Variants in NOX4 observed in about 807,000 individuals in gnomAD.
NOX4 encodes NADPH oxidase 4.
Under a neutral mutation model 87.6 loss-of-function variants are expected in NOX4, and 69 were observed. The ratio of observed to expected loss-of-function variants is 0.79; its 90% CI spans 0.65 to 0.96. The LOEUF (loss-of-function observed/expected upper bound fraction) is 0.96. Ranked by LOEUF, NOX4 falls within the 40% of genes least tolerant of loss-of-function variation. The pLI is 0.00. For synonymous variants in NOX4, 275 were observed against 238.2 expected, an observed-to-expected ratio of 1.15 and a Z score of -1.42; for missense variants, 680 against 681.5, an observed-to-expected ratio of 1.00 and a Z score of 0.02.
intron 7 of NOX4, 107 bp from the exon 8 acceptor site, chr11:89,422,089 A>G: frequency 1.7e-6 from 1 of 589,244 alleles, no homozygotes. Flanking sequence ...TAAAAAAGCT[A>G]AAACATGAGT....
At chr11:89,515,280 G>C in the NOX4 span, among the ~76,000 whole-genome samples, 1 of 151,822 alleles carries the variant, frequency 6.6e-6, no homozygotes, top group African/African-American at 2.4e-5. Flanking sequence ...TTTTTTTAGC[G>C]TGAGTTTTTT....
upstream of NOX4, among the ~76,000 whole-genome samples, chr11:89,491,767 A>ACACACAC (rs879755481): frequency 1.5e-3 from 175 of 114,614 alleles, 1 homozygote; most frequent in East Asian, 0.011. Context: ...CACACACACA[A>ACACACAC]GAAGACACAG....
Position 89,326,645 on chromosome 11 carries a change from G to C in NOX4, c.*111C>G, listed in dbSNP as rs1945229593. On this transcript the variant is annotated 3_prime_UTR_variant, in exon 18 of 18. Coordinates refer to ENST00000263317, the MANE Select transcript of NOX4 (RefSeq NM_016931.5). Reference sequence around the variant, plus strand: ...TTCCATTTTAAATAATCATAAATAAGAAAACCTTACTATTCTTTGGCATAA... The same window carrying C: ...TTCCATTTTAAATAATCATAAATAACAAAACCTTACTATTCTTTGGCATAA... 2.4e-6 allele frequency: 2 copies of C among 845,164 alleles called. No individual in the cohort carries two copies. The highest frequency in any genetic ancestry group is 3.5e-6 in the Non-Finnish European group (2 of 565,036). 52.4% of individuals were successfully genotyped at this position (845,164 alleles called of 1,614,324 possible).
intron 13 of NOX4, among the ~76,000 whole-genome samples, chr11:89,343,054 C>G (rs1171803459): frequency 6.6e-6 from 1 of 152,114 alleles, no homozygotes; most frequent in Non-Finnish European, 1.5e-5. Context: ...TGTCTGCTTT[C>G]TGAGCTACAC....
chr11:89,362,004 C>A (rs1247842865), intron 12 of NOX4, among the ~76,000 whole-genome samples: 1 of 152,064 alleles, frequency 6.6e-6, no homozygotes, highest in Non-Finnish European at 1.5e-5. Flanking sequence ...TTCAGCACTA[C>A]ACAGGCAACT....
At chr11:89,459,165 A>T (rs1945339092) in intron 2 of NOX4, among the ~76,000 whole-genome samples, 1 of 152,144 alleles carries the variant, frequency 6.6e-6, no homozygotes, top group African/African-American at 2.4e-5. Flanking sequence ...AAGAAATATG[A>T]ATGGCCTGGA....
chr11:89,337,244 C>T (rs1281619202), intron 16 of NOX4, among the ~76,000 whole-genome samples: 1 of 151,960 alleles, frequency 6.6e-6, no homozygotes, highest in Non-Finnish European at 1.5e-5. Flanking sequence ...GACTCAAAAG[C>T]TCCCTGTGAG....
chr11:89,403,771 C>T (rs1409775643), intron 8 of NOX4, among the ~76,000 whole-genome samples: 8 of 152,048 alleles, frequency 5.3e-5, no homozygotes, highest in Non-Finnish European at 1.2e-4. Context: ...AGCTATGATG[C>T]TTTTACAAAA....
chr11:89,325,909 A>ATATGTG lies in NOX4; in HGVS notation c.*846_*847insCACATA, dbSNP rs1168382024. On this transcript the variant is annotated 3_prime_UTR_variant, in exon 18 of 18. Coordinates refer to ENST00000263317, the MANE Select transcript of NOX4 (RefSeq NM_016931.5). ...TGTATATATATATATATATATATAT[A>ATATGTG]TGTGTGTGTGTGTGTATATATATAT... The ATATGTG allele has an allele frequency of 8.2e-6, 1 of 122,270 alleles. No individual in the cohort carries two copies. The highest frequency in any genetic ancestry group is 3.3e-5 in the African/African-American group (1 of 30,234). 7.6% of individuals were successfully genotyped at this position (122,270 alleles called of 1,614,324 possible). A position where few individuals can be genotyped will look rare whatever the true frequency, so the allele number is the denominator to read the frequency against.
Position 89,355,032 on chromosome 11 carries a change from C to A in NOX4, c.1147G>T (p.Asp383Tyr). 6.3e-7 allele frequency: 1 copy of A among 1,595,992 alleles called. No homozygotes were observed. Among genetic ancestry groups the A allele is most frequent in the Non-Finnish European group, 8.6e-7 (1 of 1,166,122 alleles). The change falls in exon 13 of 18, where the codon GAT (aspartate) becomes TAT (tyrosine). Residue 383 changes from aspartate to tyrosine, a missense_variant. Coordinates refer to ENST00000263317, the MANE Select transcript of NOX4 (RefSeq NM_016931.5). Reference protein sequence around the residue: ...IVGDWTERFRDLLLPPSSQDS... With the variant: ...IVGDWTERFRYLLLPPSSQDS... The stretch of plus-strand genomic sequence containing the variant: ...TGACTAGATGGAGGCAGTAGTAAAT[C>A]TCGAAATCGTTCTGTCAAAAGAAAA...
At chr11:89,411,603 C>T (rs897702590) in intron 8 of NOX4, among the ~76,000 whole-genome samples, 2 of 151,868 alleles carry the variant, frequency 1.3e-5, no homozygotes, top group Non-Finnish European at 2.9e-5. Flanking sequence ...CACTGTGGGC[C>T]TGAGGTGGGT....
At chr11:89,350,899 T>G (rs1349816868) in intron 13 of NOX4, among the ~76,000 whole-genome samples, 1 of 152,140 alleles carries the variant, frequency 6.6e-6, no homozygotes, top group East Asian at 1.9e-4. Context: ...TTAGGCCAAT[T>G]AACAACTCTA....
chr11:89,467,278 G>T (rs1381877663), intron 2 of NOX4, among the ~76,000 whole-genome samples: 3 of 149,348 alleles, frequency 2.0e-5, no homozygotes, highest in Non-Finnish European at 4.4e-5. Flanking sequence ...GTGAACCCGG[G>T]AGGTGGAGCT....
At chr11:89,389,862 A>C (rs1302620410) in intron 11 of NOX4, among the ~76,000 whole-genome samples, 1 of 152,182 alleles carries the variant, frequency 6.6e-6, no homozygotes, top group African/African-American at 2.4e-5. Context: ...CATGCTATTT[A>C]GTCTCTCTGA....
At chr11:89,425,409 C>CAAA (rs766357906) in intron 7 of NOX4, among the ~76,000 whole-genome samples, 1 of 70,688 alleles carries the variant, frequency 1.4e-5, no homozygotes, top group African/African-American at 4.8e-5. Context: ...ATTGAAATAC[C>CAAA]AAAAAAAAAA....
chr11:89,474,984 A>G (rs11819806), intron 2 of NOX4, among the ~76,000 whole-genome samples: 2,311 of 151,904 alleles, frequency 0.015, 81 homozygotes, highest in African/African-American at 0.052. Flanking sequence ...GTCAGTAAAT[A>G]ACAGAAGCCA....
At chr11:89,430,586 A>C (rs1943724274) in intron 7 of NOX4, among the ~76,000 whole-genome samples, 1 of 152,206 alleles carries the variant, frequency 6.6e-6, no homozygotes, top group African/African-American at 2.4e-5. Flanking sequence ...CCAAATCATG[A>C]GTGAACTCCC....
At chr11:89,384,864 A>T (rs1426751855) in intron 11 of NOX4, among the ~76,000 whole-genome samples, 1 of 151,642 alleles carries the variant, frequency 6.6e-6, no homozygotes, top group Non-Finnish European at 1.5e-5. Flanking sequence ...ACCACACCTG[A>T]CCCCCATGAC....
upstream of NOX4, among the ~76,000 whole-genome samples, chr11:89,501,829 G>T (rs1947024776): frequency 1.3e-5 from 2 of 152,038 alleles, no homozygotes; most frequent in Non-Finnish European, 2.9e-5. Flanking sequence ...TCAGCAGGAT[G>T]GAGAGTATTC....
Sources: allele counts gnomAD v4.1 joint callset (sites outside exome capture counted in the v4.1 genomes callset), GRCh38; gene constraint gnomAD v4.1.1; transcripts MANE v1.5; gene names NCBI Gene and HGNC (gene_info 2026-07-23, HGNC 2026-07-21).